SIK3: variants seen among roughly 807,000 people sequenced by gnomAD.
SIK3 encodes the protein SIK family kinase 3.
In SIK3, 28 loss-of-function variants were observed where a neutral mutation model predicts 144.2. That is an observed-to-expected ratio of 0.19 (90% CI 0.14 to 0.27). The LOEUF is 0.27. Ranked by LOEUF, SIK3 falls within the 10% of genes least tolerant of loss-of-function variation. The probability of loss-of-function intolerance (pLI) is 1.00; values close to 1 mark genes in which losing one functional copy is unlikely to be tolerated. For synonymous variants in SIK3, 686 were observed against 676.3 expected, an observed-to-expected ratio of 1.01 and a Z score of -0.22; for missense variants, 1,319 against 1,776.0, an observed-to-expected ratio of 0.74 and a Z score of 4.62.
chr11:116,849,507 G>T lies in SIK3; in HGVS notation c.3656-224C>A, dbSNP rs903702272. ...CACACCCTTAGGGAAAAAATTCCAC[G>T]TAACAGGGCATGGCTGGACCCCACC... On this transcript the variant is annotated intron_variant, in intron 21 of 24. Transcript: ENST00000445177. The surrounding 1 kb of genome is among the most constrained non-coding windows in gnomAD (Gnocchi z 4.2). Among the ~76,000 whole-genome samples the T allele has an allele frequency of 1.3e-5, 2 of 152,236 alleles. No individual in the cohort carries two copies. Among genetic ancestry groups the T allele is most frequent in the Middle Eastern group, 3.4e-3 (1 of 294 alleles).
intron 1 of SIK3, among the ~76,000 whole-genome samples, chr11:116,978,047 T>A (rs1017994911): frequency 3.3e-5 from 5 of 151,990 alleles, no homozygotes; most frequent in Admixed American, 6.6e-5. Context: ...TGAAACCCCA[T>A]CTCTACTAAA....
intron 1 of SIK3, among the ~76,000 whole-genome samples, chr11:117,023,621 A>AAAAAAAATATATATATATATATATAT (rs754624841): frequency 1.0e-5 from 1 of 95,418 alleles, no homozygotes; most frequent in African/African-American, 4.4e-5. Context: ...AAAAAAAAAA[A>AAAAAAAATATATATATATATATATAT]ATATATATAT....
At chr11:116,946,888 G>A (rs1295314668) in intron 3 of SIK3, among the ~76,000 whole-genome samples, 1 of 151,834 alleles carries the variant, frequency 6.6e-6, no homozygotes, top group Non-Finnish European at 1.5e-5. Flanking sequence ...GGCTGAGGCG[G>A]GCAGATCACA....
intron 4 of SIK3, among the ~76,000 whole-genome samples, chr11:116,898,124 G>A (rs867171132): frequency 2.2e-4 from 27 of 120,596 alleles, no homozygotes; most frequent in South Asian, 1.9e-3. Flanking sequence ...TCCCTCCCCC[G>A]TCCCCCCACC....
Position 117,069,697 on chromosome 11 carries a change from T to C in SIK3, c.273+28446A>G, listed in dbSNP as rs548095112. Among the ~76,000 whole-genome samples the C allele has an allele frequency of 7.2e-5, 11 of 152,316 alleles. No individual in the cohort carries two copies. In the South Asian group the frequency reaches 2.1e-3, roughly 29 times the overall value. On this transcript the variant is annotated intron_variant, in intron 1 of 24. Transcript: ENST00000445177. ...CTTCCCCCAGTACCCTCTATTCTCC[T>C]TCTTAATAAAGAATATATCCCTTCT...
At chr11:117,006,638 TA>T (rs199563608) in intron 1 of SIK3, among the ~76,000 whole-genome samples, 10 of 146,294 alleles carry the variant, frequency 6.8e-5, no homozygotes, top group Non-Finnish European at 6.0e-5. Context: ...TCTCTGTGTT[TA>T]AAAAAAAAAG....
chr11:117,056,296 G>T (rs762685572), intron 1 of SIK3, among the ~76,000 whole-genome samples: 10 of 152,080 alleles, frequency 6.6e-5, no homozygotes, highest in Non-Finnish European at 1.0e-4. Flanking sequence ...AACACCGCAT[G>T]TTCTCACTCA....
At chr11:116,896,443 G>C (rs1945404787) in intron 5 of SIK3, 67 bp from the exon 6 acceptor site, 1 of 1,543,854 alleles carries the variant, frequency 6.5e-7, no homozygotes, top group African/African-American at 1.4e-5. Flanking sequence ...CTACTGTAGT[G>C]TGTGTATGCA....
chr11:117,007,585 G>A (rs543325771), intron 1 of SIK3, among the ~76,000 whole-genome samples: 52 of 152,290 alleles, frequency 3.4e-4, no homozygotes, highest in Admixed American at 1.2e-3. Flanking sequence ...AATCACAAGC[G>A]TTTGTGTTAT....
chr11:116,896,460 G>C, intron 5 of SIK3, 84 bp from the exon 6 acceptor site: 5 of 1,436,482 alleles, frequency 3.5e-6, no homozygotes, highest in Non-Finnish European at 4.8e-6. Flanking sequence ...TGCAGATGAT[G>C]GTGAGTCATG....
At chr11:116,993,220 C>A (rs535265092) in intron 1 of SIK3, among the ~76,000 whole-genome samples, 1 of 152,248 alleles carries the variant, frequency 6.6e-6, no homozygotes, top group South Asian at 2.1e-4. Flanking sequence ...AAAAACCCCT[C>A]CCCACAGTAA....
chr11:117,002,867 C>A (rs1377048821), intron 1 of SIK3, among the ~76,000 whole-genome samples: 2 of 152,160 alleles, frequency 1.3e-5, no homozygotes, highest in Non-Finnish European at 2.9e-5. Context: ...AAGTCTGTAT[C>A]CCTAAGTGAA....
At chr11:117,005,330 G>A (rs1403811035) in intron 1 of SIK3, among the ~76,000 whole-genome samples, 12 of 87,836 alleles carry the variant, frequency 1.4e-4, no homozygotes, top group East Asian at 9.4e-4. Flanking sequence ...GCGAGACCCC[G>A]TCTCAGAAAA....
intron 1 of SIK3, among the ~76,000 whole-genome samples, chr11:117,064,596 T>C (rs146031318): frequency 6.6e-6 from 1 of 152,202 alleles, no homozygotes; most frequent in African/African-American, 2.4e-5. Flanking sequence ...TCAGACTTCA[T>C]AATTCTCCAC....
intron 3 of SIK3, among the ~76,000 whole-genome samples, chr11:116,932,245 G>A (rs1337534963): frequency 1.3e-5 from 2 of 152,174 alleles, no homozygotes; most frequent in Admixed American, 1.3e-4. Context: ...CAAAAGAGCA[G>A]CCAAGGTAGT....
intron 1 of SIK3, among the ~76,000 whole-genome samples, chr11:117,088,147 G>C (rs994954545): frequency 2.0e-5 from 3 of 152,162 alleles, no homozygotes; most frequent in Non-Finnish European, 4.4e-5. Flanking sequence ...TGAAGTAGAA[G>C]GATGACTTGA....
rs957582068 is a variant in SIK3, at chr11:116,904,477, T to A, written c.617-7160A>T. Among the ~76,000 whole-genome samples the A allele has an allele frequency of 8.5e-5, 13 of 152,080 alleles. 1 individual carries two copies. In the East Asian group the frequency reaches 2.5e-3, roughly 29 times the overall value. On this transcript the variant is annotated intron_variant, in intron 4 of 24. Transcript: ENST00000445177. ...GAACCATTACTATTTTTTCTTTCCT[T>A]TTTTTTTCCTCCACATTTAAAAATT...
At chr11:116,905,564 T>C (rs960192473) in intron 4 of SIK3, among the ~76,000 whole-genome samples, 1 of 152,232 alleles carries the variant, frequency 6.6e-6, no homozygotes, top group African/African-American at 2.4e-5. Context: ...TATACATCCC[T>C]ACCAGCAACG....
In SIK3 at chr11:116,867,161, C is replaced by T. The variant is rs1031790400; in HGVS notation, c.1952+785G>A. Among the ~76,000 whole-genome samples the T allele has an allele frequency of 3.9e-5, 6 of 152,196 alleles. No homozygotes were observed. The highest frequency in any genetic ancestry group is 5.9e-5 in the Non-Finnish European group (4 of 68,038). Reference sequence around the variant, plus strand: ...CTCCCCAAAAGACAGAAATAAAATACGCTCTAGTAACTGGTGGTGGCTTTG... The same window carrying T: ...CTCCCCAAAAGACAGAAATAAAATATGCTCTAGTAACTGGTGGTGGCTTTG... On this transcript the variant is annotated intron_variant, in intron 15 of 24. Coordinates refer to ENST00000445177, the MANE Select transcript of SIK3 (RefSeq NM_001366686.3). This position sits in a 1 kb window ranked among gnomAD's most constrained non-coding sequence, Gnocchi z 4.1.
Sources: allele counts gnomAD v4.1 joint callset (sites outside exome capture counted in the v4.1 genomes callset), GRCh38; gene constraint gnomAD v4.1.1; non-coding constraint Gnocchi (gnomAD v3.1); transcripts MANE v1.5; gene names NCBI Gene and HGNC (gene_info 2026-07-23, HGNC 2026-07-21).